SGMS2: variants seen among roughly 807,000 people sequenced by gnomAD.
SGMS2 encodes the protein sphingomyelin synthase 2, also known as phosphatidylcholine:ceramide cholinephosphotransferase 2.
Under a neutral mutation model 43.8 loss-of-function variants are expected in SGMS2, and 21 were observed. The observed-to-expected ratio is 0.48, with a 90% confidence interval of 0.34 to 0.69. The LOEUF (loss-of-function observed/expected upper bound fraction) is 0.69, where lower values mean the gene tolerates loss of function less well. SGMS2 is among the 30% of genes least tolerant of loss of function. The pLI, the probability that SGMS2 is intolerant of heterozygous loss-of-function variation, is 0.01. For missense variants in SGMS2, 384 were observed against 443.2 expected (o/e 0.87, Z 1.20); for synonymous variants, 167 against 160.6 (o/e 1.04, Z -0.30).
At chr4:107,890,393 C>T (rs145166319) in intron 2 of SGMS2, among the ~76,000 whole-genome samples, 16 of 152,036 alleles carry the variant, frequency 1.1e-4, no homozygotes, top group East Asian at 7.7e-4. Flanking sequence ...AAAAAACGGG[C>T]GCTAGGCATG....
intron 1 of SGMS2, among the ~76,000 whole-genome samples, chr4:107,852,434 A>G (rs781129594): frequency 9.2e-5 from 14 of 152,130 alleles, no homozygotes; most frequent in Non-Finnish European, 1.8e-4. Context: ...TAACTTTCTA[A>G]TTATAATAGC....
chr4:107,891,887 C>A (rs1042563594), intron 2 of SGMS2, among the ~76,000 whole-genome samples: 2 of 152,090 alleles, frequency 1.3e-5, no homozygotes, highest in Non-Finnish European at 2.9e-5. Context: ...GTTGAACATA[C>A]CTGGCCCCCA....
intron 2 of SGMS2, among the ~76,000 whole-genome samples, chr4:107,892,091 C>A (rs144792057): frequency 6.8e-6 from 1 of 146,890 alleles, no homozygotes; most frequent in Non-Finnish European, 1.5e-5. Flanking sequence ...ACTTCTATCT[C>A]CTGTGTCACT....
chr4:107,865,535 T>A (rs892806399), intron 2 of SGMS2, among the ~76,000 whole-genome samples: 3 of 152,360 alleles, frequency 2.0e-5, no homozygotes, highest in Admixed American at 2.0e-4. Flanking sequence ...TAATTTTGAA[T>A]CTGCATCTGT....
chr4:107,852,328 C>T lies in SGMS2; in HGVS notation c.-326-6144C>T, dbSNP rs373767288. On this transcript the variant is annotated intron_variant, in intron 1 of 6. Coordinates refer to ENST00000690982, the MANE Select transcript of SGMS2 (RefSeq NM_001375905.1). ...TCCTGACCCCGTGATCCGCCTGCCT[C>T]AGCCTCCCAAGTCATAATAATTTTT... Among the ~76,000 whole-genome samples the T allele has an allele frequency of 3.9e-5, 6 of 152,022 alleles. No homozygotes were observed. The East Asian group carries it at 9.7e-4, about 24-fold the overall frequency.
At chr4:107,844,442 C>T (rs1560633481) in intron 1 of SGMS2, among the ~76,000 whole-genome samples, 1 of 152,068 alleles carries the variant, frequency 6.6e-6, no homozygotes, top group Non-Finnish European at 1.5e-5. Flanking sequence ...TGGCTCACAC[C>T]TGTAACCCCA....
At chr4:107,899,522 G>A (rs1730945055) in intron 3 of SGMS2, 53 bp from the exon 4 acceptor site, 7 of 1,245,090 alleles carry the variant, frequency 5.6e-6, no homozygotes, top group Non-Finnish European at 8.1e-6. Flanking sequence ...TTTTCATTAG[G>A]AGTAAAACCA....
intron 2 of SGMS2, among the ~76,000 whole-genome samples, chr4:107,893,913 C>T (rs1056504441): frequency 2.6e-5 from 4 of 152,130 alleles, no homozygotes; most frequent in African/African-American, 4.8e-5. Flanking sequence ...TCATTTTAGT[C>T]CTGTCTCTTT....
intron 5 of SGMS2, among the ~76,000 whole-genome samples, chr4:107,905,092 T>G (rs1397119845): frequency 6.6e-6 from 1 of 152,212 alleles, no homozygotes; most frequent in Non-Finnish European, 1.5e-5. Flanking sequence ...TGATATTAAC[T>G]GTATTAGTCT....
chr4:107,846,205 G>A (rs1438972650), intron 1 of SGMS2, among the ~76,000 whole-genome samples: 1 of 150,008 alleles, frequency 6.7e-6, no homozygotes, highest in Non-Finnish European at 1.5e-5. Flanking sequence ...CTGGTGTGCT[G>A]CACCCATTAA....
chr4:107,853,391 T>C (rs1727260115), intron 1 of SGMS2, among the ~76,000 whole-genome samples: 1 of 152,206 alleles, frequency 6.6e-6, no homozygotes, highest in South Asian at 2.1e-4. Flanking sequence ...GCTCTTATAA[T>C]AAACTTTCAC....
chr4:107,869,805 T>A (rs10016271), intron 2 of SGMS2, among the ~76,000 whole-genome samples: 82,762 of 151,942 alleles, frequency 0.54, 23,621 homozygotes, highest in African/African-American at 0.68. Context: ...TGGGGTTCAC[T>A]GTAGTATTTT....
chr4:107,839,177 G>A (rs1394119183), intron 1 of SGMS2, among the ~76,000 whole-genome samples: 1 of 152,088 alleles, frequency 6.6e-6, no homozygotes, highest in Non-Finnish European at 1.5e-5. Context: ...AGACATCTCT[G>A]AATTTACTTC....
intron 2 of SGMS2, among the ~76,000 whole-genome samples, chr4:107,881,814 T>A (rs1729379167): frequency 6.6e-6 from 1 of 152,156 alleles, no homozygotes. Flanking sequence ...TCTATCACCA[T>A]AAGTTCAATT....
chr4:107,908,391 TC>T (rs895065093), intron 5 of SGMS2, among the ~76,000 whole-genome samples, 173 bp from the exon 6 acceptor site: 2 of 152,202 alleles, frequency 1.3e-5, no homozygotes, highest in Non-Finnish European at 1.5e-5. Context: ...TCTGCCTCCC[TC>T]CTACCTGAGC....
intron 2 of SGMS2, among the ~76,000 whole-genome samples, chr4:107,870,073 C>A (rs2126054837): frequency 6.6e-6 from 1 of 152,298 alleles, no homozygotes; most frequent in East Asian, 1.9e-4. Flanking sequence ...TCTATTTTCT[C>A]AATACTTTTA....
In SGMS2 at chr4:107,912,386, T is replaced by C. The variant is rs1350759444; in HGVS notation, c.*1833T>C. 2 of 152,194 alleles carry C rather than the reference T, an allele frequency of 1.3e-5. No individual in the cohort carries two copies. The highest frequency in any genetic ancestry group is 2.9e-5 in the Non-Finnish European group (2 of 68,036). The allele number at this position is 152,194 out of a possible 1,614,324, so 9.4% of individuals were successfully genotyped here. On this transcript the variant is annotated 3_prime_UTR_variant, in exon 7 of 7. Transcript: ENST00000690982. ...ATTAAATACACCAATAATAAACATA[T>C]ACTTAGTTTACCTGATGAGTTTAGA...
chr4:107,877,524 C>T (rs1728997156), intron 2 of SGMS2, among the ~76,000 whole-genome samples: 1 of 152,170 alleles, frequency 6.6e-6, no homozygotes. Context: ...ATAAAGCCCC[C>T]AGGGTGTTTG....
At position 107,895,635 on chromosome 4, in the gene SGMS2, G is replaced by A. The variant is rs756549531; in HGVS notation, c.82G>A (p.Ala28Thr). Residue 28 changes from alanine (A) to threonine (T), a missense_variant, in exon 3 of 7, where the codon GCT becomes ACT. Ala to Thr is a moderately conservative substitution (Grantham distance 58). Transcript: ENST00000690982. ...TCCTACGAACACTTATGCAAGACCCGCTGAACCTGTTGAAGAAGAAAACAA... is the reference window on the plus strand; with the variant it reads ...TCCTACGAACACTTATGCAAGACCCACTGAACCTGTTGAAGAAGAAAACAA... Reference protein sequence around the residue: ...SDPTNTYARPAEPVEEENKNG... With the variant: ...SDPTNTYARPTEPVEEENKNG... The A allele has an allele frequency of 2.9e-5, 46 of 1,613,806 alleles. No homozygotes were observed. The highest frequency in any genetic ancestry group is 2.6e-4 in the South Asian group (24 of 91,078).
Sources: allele counts gnomAD v4.1 joint callset (sites outside exome capture counted in the v4.1 genomes callset), GRCh38; gene constraint gnomAD v4.1.1; transcripts MANE v1.5; gene names NCBI Gene and HGNC (gene_info 2026-07-23, HGNC 2026-07-21).